The following MEI4 variants were observed in gnomAD, a reference collection of about 807,000 sequenced individuals.
MEI4 encodes meiotic double-stranded break formation protein 4, also known as meiosis-specific protein MEI4.
A neutral mutation model predicts 31.4 loss-of-function variants in MEI4; 27 were observed. That is an observed-to-expected ratio of 0.86 (90% CI 0.63 to 1.19). MEI4 has a LOEUF of 1.19. Among genes scored for constraint, MEI4 ranks in the 50% most tolerant of loss-of-function variants. The pLI is 0.00. For missense variants in MEI4, 329 were observed against 398.9 expected (o/e 0.82, Z 1.49); for synonymous variants, 122 against 145.4 (o/e 0.84, Z 1.16).
At chr6:77,786,610 A>C (rs920928829) in intron 3 of MEI4, among the ~76,000 whole-genome samples, 3 of 152,156 alleles carry the variant, frequency 2.0e-5, no homozygotes, top group African/African-American at 4.8e-5. Flanking sequence ...AGAAGGGGAG[A>C]AGTAAAACTG....
Position 77,867,984 on chromosome 6 carries a change from C to T in MEI4, c.900+38922C>T, listed in dbSNP as rs9448236. Among the ~76,000 whole-genome samples the T allele has an allele frequency of 6.3e-3, 957 of 151,752 alleles. 13 individuals are homozygous for T. Among genetic ancestry groups the T allele is most frequent in the African/African-American group, 0.022 (902 of 41,338 alleles). On this transcript the variant is annotated intron_variant, in intron 4 of 4. Coordinates refer to ENST00000684080, the MANE Select transcript of MEI4 (RefSeq NM_001322247.2). ...TTGCAAGGACAAAAAAACCAAACAC[C>T]GCATGTTCTCACTCATAGGTGGGAA...
Position 77,926,120 on chromosome 6 carries a change from G to T in MEI4, c.*2774G>T, listed in dbSNP as rs1766838835. 1 of 151,832 alleles carries T rather than the reference G, an allele frequency of 6.6e-6. No individual in the cohort carries two copies. The highest frequency in any genetic ancestry group is 2.1e-4 in the South Asian group (1 of 4,826). 9.4% of individuals were successfully genotyped at this position (151,832 alleles called of 1,614,324 possible). A position where few individuals can be genotyped will look rare whatever the true frequency, so the allele number is the denominator to read the frequency against. On this transcript the variant is annotated 3_prime_UTR_variant, in exon 5 of 5. Transcript: ENST00000684080. ...ACTGCCTGTTATGTGCAGCTCTCCT[G>T]GCACTTCAGTAAACTTTCACAAACA...
chr6:77,655,648 A>G (rs1182863231), intron 1 of MEI4, among the ~76,000 whole-genome samples: 8 of 151,932 alleles, frequency 5.3e-5, no homozygotes, highest in Admixed American at 1.3e-4. Context: ...ATACTATCCT[A>G]TTTTCTTTAG....
chr6:77,921,388 G>GA (rs1766699151), intron 4 of MEI4, among the ~76,000 whole-genome samples: 1 of 151,732 alleles, frequency 6.6e-6, no homozygotes, highest in Non-Finnish European at 1.5e-5. Context: ...CTCTGGTTCA[G>GA]GTATTGGCTT....
intron 2 of MEI4, among the ~76,000 whole-genome samples, chr6:77,746,160 C>A (rs1401980060): frequency 6.6e-6 from 1 of 152,044 alleles, no homozygotes; most frequent in East Asian, 1.9e-4. Context: ...AAAAACCCTT[C>A]AAAAAAACTA....
chr6:77,837,779 G>C (rs1189595313), intron 4 of MEI4, among the ~76,000 whole-genome samples: 1 of 152,098 alleles, frequency 6.6e-6, no homozygotes, highest in East Asian at 1.9e-4. Flanking sequence ...GGGAAAATCT[G>C]CACAAGTGTG....
Position 77,836,823 on chromosome 6 carries a change from G to A in MEI4, c.900+7761G>A, listed in dbSNP as rs201788888. Among the ~76,000 whole-genome samples, 3 of 152,150 alleles carry A rather than the reference G, an allele frequency of 2.0e-5. No homozygotes were observed. In the East Asian group the frequency reaches 5.8e-4, roughly 29 times the overall value. ...CAGTCAGCAATCAATCCATCAGAGA[G>A]AATAGAATTATAATTTGCATCAAAC... On this transcript the variant is annotated intron_variant, in intron 4 of 4. Transcript: ENST00000684080.
At chr6:77,712,741 G>A (rs889777281) in intron 2 of MEI4, among the ~76,000 whole-genome samples, 1 of 152,110 alleles carries the variant, frequency 6.6e-6, no homozygotes, top group African/African-American at 2.4e-5. Context: ...GGAGGCTAAG[G>A]CAGGTGGATC....
At chr6:77,739,079 G>T (rs770984377) in intron 2 of MEI4, among the ~76,000 whole-genome samples, 1 of 152,058 alleles carries the variant, frequency 6.6e-6, no homozygotes, top group Non-Finnish European at 1.5e-5. Flanking sequence ...CAGCTCTTTA[G>T]TTTAATTAGA....
At chr6:77,910,564 C>G (rs12216418) in intron 4 of MEI4, among the ~76,000 whole-genome samples, 43,276 of 152,034 alleles carry the variant, frequency 0.28, 6,844 homozygotes, top group South Asian at 0.38. Context: ...AGGATACAAA[C>G]AAATGGAAGA....
At chr6:77,666,881 G>GCC in intron 1 of MEI4, among the ~76,000 whole-genome samples, 1 of 75,486 alleles carries the variant, frequency 1.3e-5, no homozygotes, top group South Asian at 6.2e-4. Context: ...GTGTGTGTGT[G>GCC]TGCGTGCGTG....
chr6:77,888,920 T>TC, intron 4 of MEI4, among the ~76,000 whole-genome samples: 1 of 152,118 alleles, frequency 6.6e-6, no homozygotes. Context: ...AAGGGGCTTT[T>TC]CCCCCTTTGC....
intron 2 of MEI4, among the ~76,000 whole-genome samples, chr6:77,755,203 GAATA>G (rs1767883554): frequency 6.6e-6 from 1 of 152,014 alleles, no homozygotes; most frequent in South Asian, 2.1e-4. Flanking sequence ...GTGTGATTGT[GAATA>G]AATAGAGTAT....
At chr6:77,835,349 A>C (rs1034691045) in intron 4 of MEI4, among the ~76,000 whole-genome samples, 2 of 146,996 alleles carry the variant, frequency 1.4e-5, no homozygotes, top group Admixed American at 1.4e-4. Context: ...AACAAGAGTG[A>C]AACTCCATAA....
intron 4 of MEI4, among the ~76,000 whole-genome samples, chr6:77,875,241 C>T (rs1450083725): frequency 2.6e-5 from 4 of 152,176 alleles, no homozygotes; most frequent in Admixed American, 1.3e-4. Context: ...TATATGCATG[C>T]ATATGTATGT....
At chr6:77,919,475 A>T (rs1397896910) in intron 4 of MEI4, among the ~76,000 whole-genome samples, 2 of 152,098 alleles carry the variant, frequency 1.3e-5, no homozygotes, top group Non-Finnish European at 2.9e-5. Context: ...AACATACCAG[A>T]ATCTTTGGGA....
chr6:77,778,685 G>T (rs1373239780), intron 3 of MEI4, among the ~76,000 whole-genome samples: 1 of 151,636 alleles, frequency 6.6e-6, no homozygotes, highest in Non-Finnish European at 1.5e-5. Flanking sequence ...GAGTGACAGA[G>T]CGAGACCTGA....
chr6:77,665,427 G>A (rs185195030), intron 1 of MEI4, among the ~76,000 whole-genome samples: 7 of 151,522 alleles, frequency 4.6e-5, no homozygotes, highest in African/African-American at 7.3e-5. Context: ...CCAGGAAAGC[G>A]GGACTTGCCG....
chr6:77,843,700 C>G (rs1015866322), intron 4 of MEI4, among the ~76,000 whole-genome samples: 1 of 152,046 alleles, frequency 6.6e-6, no homozygotes, highest in Non-Finnish European at 1.5e-5. Context: ...CCTCTACTTT[C>G]TAATTTCAGA....
Sources: allele counts gnomAD v4.1 joint callset (sites outside exome capture counted in the v4.1 genomes callset), GRCh38; gene constraint gnomAD v4.1.1; transcripts MANE v1.5; gene names NCBI Gene and HGNC (gene_info 2026-07-23, HGNC 2026-07-21).